The following SLC35F1 variants were observed in gnomAD, a reference collection of about 807,000 sequenced individuals.
SLC35F1 encodes the protein chromosome 6 open reading frame 169.
In SLC35F1, 14 loss-of-function variants were observed where a neutral mutation model predicts 48.7. The observed-to-expected ratio is 0.29, with a 90% CI of 0.19 to 0.45. The LOEUF (loss-of-function observed/expected upper bound fraction) is 0.45. Ranked by LOEUF, SLC35F1 falls within the 20% of genes least tolerant of loss-of-function variation. The pLI, the probability that SLC35F1 is intolerant of heterozygous loss-of-function variation, is 1.00. For synonymous variants in SLC35F1, 190 were observed against 202.2 expected (o/e 0.94, Z 0.51); for missense variants, 404 against 500.0 (o/e 0.81, Z 1.83).
intron 1 of SLC35F1, among the ~76,000 whole-genome samples, chr6:118,039,948 T>C (rs1772191215): frequency 6.6e-6 from 1 of 152,146 alleles, no homozygotes; most frequent in African/African-American, 2.4e-5. Context: ...AACTAACTTG[T>C]TTGGGTTTCA....
intron 2 of SLC35F1, among the ~76,000 whole-genome samples, chr6:118,229,707 T>G (rs1480371906): frequency 1.3e-5 from 2 of 152,338 alleles, no homozygotes; most frequent in East Asian, 3.9e-4. Flanking sequence ...GAGTTAGTAG[T>G]AGCATCTAAT....
rs73525889 is a variant in SLC35F1, at chr6:118,239,255, A to G, written c.477+3619A>G. Among the ~76,000 whole-genome samples, 1,354 of 149,234 alleles carry G rather than the reference A, an allele frequency of 9.1e-3. 22 individuals carry two copies. The highest frequency in any genetic ancestry group is 0.032 in the African/African-American group (1,287 of 40,328). On this transcript the variant is annotated intron_variant, in intron 3 of 7. Coordinates refer to ENST00000360388, the MANE Select transcript of SLC35F1 (RefSeq NM_001029858.4). ...CCCCAGCACATACTAGATACTAAAT[A>G]CATGTTTGAAGAAGTTAATTGTATA...
intron 1 of SLC35F1, among the ~76,000 whole-genome samples, chr6:117,936,496 T>C (rs1776164702): frequency 6.6e-6 from 1 of 152,248 alleles, no homozygotes; most frequent in Non-Finnish European, 1.5e-5. Flanking sequence ...TGCAATTGAG[T>C]TCTCCTCCAT....
In SLC35F1 at chr6:118,012,103, G is replaced by GA. The variant is rs549562355; in HGVS notation, c.173+104212dup. 9.9e-5 allele frequency among the ~76,000 whole-genome samples: 15 copies of GA among 151,656 alleles called. No homozygotes were observed. The East Asian group carries it at 1.2e-3, about 12-fold the overall frequency. On this transcript the variant is annotated intron_variant, in intron 1 of 7. Transcript: ENST00000360388. ...AGAAACCTGGAAGGAAAGGATTAAG[G>GA]AAAAAAAATCTTTTATATTAATGAC... is the stretch of plus-strand genomic sequence containing the variant.
rs189104240 is a variant in SLC35F1 at position 117,947,014 on chromosome 6, G to A, written c.173+39115G>A. 3.9e-5 allele frequency among the ~76,000 whole-genome samples: 6 copies of A among 152,306 alleles called. No homozygotes were observed. The East Asian group carries it at 1.2e-3, about 29-fold the overall frequency. The stretch of plus-strand genomic sequence containing the variant: ...TGGAGCTTACATCCATTTGGGGGAA[G>A]ATAGACAATAATAAGGTATGTATGT... On this transcript the variant is annotated intron_variant, in intron 1 of 7. Coordinates refer to ENST00000360388, the MANE Select transcript of SLC35F1 (RefSeq NM_001029858.4).
intron 1 of SLC35F1, among the ~76,000 whole-genome samples, chr6:118,126,163 T>C (rs4512262): frequency 6.6e-6 from 1 of 152,032 alleles, no homozygotes; most frequent in Non-Finnish European, 1.5e-5. Context: ...CTGACTTTCC[T>C]GGACCTAGTG....
chr6:118,051,767 A>T (rs527377203), intron 1 of SLC35F1, among the ~76,000 whole-genome samples: 2 of 152,262 alleles, frequency 1.3e-5, no homozygotes, highest in Non-Finnish European at 2.9e-5. Context: ...ACCATTAATG[A>T]AGTAAGTTTT....
At chr6:118,050,507 C>T (rs1313213331) in intron 1 of SLC35F1, among the ~76,000 whole-genome samples, 1 of 151,752 alleles carries the variant, frequency 6.6e-6, no homozygotes, top group African/African-American at 2.4e-5. Context: ...GAGAAAGAGG[C>T]ACAGGAGCAG....
At chr6:118,098,517 A>G (rs1282120026) in intron 1 of SLC35F1, among the ~76,000 whole-genome samples, 1 of 152,166 alleles carries the variant, frequency 6.6e-6, no homozygotes, top group Non-Finnish European at 1.5e-5. Context: ...CCATGAGGAT[A>G]CCCACTGTTG....
At chr6:118,000,751 T>C (rs2114866932) in intron 1 of SLC35F1, among the ~76,000 whole-genome samples, 1 of 152,284 alleles carries the variant, frequency 6.6e-6, no homozygotes. Flanking sequence ...TTCAGCTAAG[T>C]CTCAGGATAC....
At chr6:117,976,307 G>C (rs112374971) in intron 1 of SLC35F1, among the ~76,000 whole-genome samples, 1 of 152,120 alleles carries the variant, frequency 6.6e-6, no homozygotes, top group Non-Finnish European at 1.5e-5. Flanking sequence ...AAGGTAAACC[G>C]GAGAAACCCT....
At chr6:118,235,736 T>C in intron 3 of SLC35F1, 100 bp downstream of exon 3, 1 of 1,250,014 alleles carries the variant, frequency 8.0e-7, no homozygotes, top group Non-Finnish European at 1.1e-6. Flanking sequence ...TTACTATCTG[T>C]ATACTATACT....
At chr6:118,191,637 A>G (rs1328064743) in intron 2 of SLC35F1, among the ~76,000 whole-genome samples, 1 of 152,172 alleles carries the variant, frequency 6.6e-6, no homozygotes, top group South Asian at 2.1e-4. Context: ...TTCTCAGAAG[A>G]TAGAGTTCTT....
chr6:118,276,315 T>C (rs1775917510), intron 5 of SLC35F1, among the ~76,000 whole-genome samples: 2 of 152,346 alleles, frequency 1.3e-5, no homozygotes, highest in Admixed American at 1.3e-4. Context: ...ACATGAAGAA[T>C]GATAGTATAA....
At chr6:117,949,668 G>C (rs1290970141) in intron 1 of SLC35F1, among the ~76,000 whole-genome samples, 4 of 152,102 alleles carry the variant, frequency 2.6e-5, no homozygotes, top group African/African-American at 9.7e-5. Flanking sequence ...CTTCAGGTTG[G>C]ACACAGTTTG....
rs527324115 is a variant in SLC35F1, at chr6:118,205,629, C to G, written c.350-29880C>G. 2.4e-4 allele frequency among the ~76,000 whole-genome samples: 37 copies of G among 152,302 alleles called. No homozygotes were observed. The Middle Eastern group carries it at 0.014, about 56-fold the overall frequency. On this transcript the variant is annotated intron_variant, in intron 2 of 7. Transcript: ENST00000360388. ...AATGTAGAACTACCATATGAGCCAA[C>G]CATTCCACTTCTAGATACATCCAAG...
At chr6:118,008,036 A>G (rs1250762659) in intron 1 of SLC35F1, among the ~76,000 whole-genome samples, 1 of 152,184 alleles carries the variant, frequency 6.6e-6, no homozygotes, top group Non-Finnish European at 1.5e-5. Context: ...CCCTTTCAAC[A>G]CATGGATATT....
At chr6:117,920,676 A>T (rs562578062) in intron 1 of SLC35F1, among the ~76,000 whole-genome samples, 14 of 152,310 alleles carry the variant, frequency 9.2e-5, no homozygotes, top group African/African-American at 3.4e-4. Context: ...TCAAGAACAC[A>T]GTGCAGGATT....
intron 1 of SLC35F1, among the ~76,000 whole-genome samples, chr6:117,936,354 T>C (rs1449351556): frequency 6.6e-6 from 1 of 152,116 alleles, no homozygotes; most frequent in Non-Finnish European, 1.5e-5. Flanking sequence ...GGTGGTAGGA[T>C]TATAGAAGGT....
Sources: allele counts gnomAD v4.1 joint callset (sites outside exome capture counted in the v4.1 genomes callset), GRCh38; gene constraint gnomAD v4.1.1; transcripts MANE v1.5; gene names NCBI Gene and HGNC (gene_info 2026-07-23, HGNC 2026-07-21).